Variants in SMC4 observed in about 807,000 individuals in gnomAD.
The protein encoded by SMC4 is structural maintenance of chromosomes protein 4.
In SMC4, 87 loss-of-function variants were observed where a neutral mutation model predicts 145.6. The ratio of observed to expected loss-of-function variants is 0.60; its 90% CI spans 0.50 to 0.71. The LOEUF (loss-of-function observed/expected upper bound fraction) is 0.71. Among genes scored for constraint, SMC4 ranks in the 30% least tolerant of loss-of-function variants. The pLI, the probability that SMC4 is intolerant of heterozygous loss-of-function variation, is 0.00. For missense variants in SMC4, 1,447 were observed against 1,537.1 expected, an observed-to-expected ratio of 0.94 and a Z score of 0.98; for synonymous variants, 558 against 500.7, an observed-to-expected ratio of 1.11 and a Z score of -1.53.
At chr3:160,423,130 T>A (rs901137708) in intron 13 of SMC4, among the ~76,000 whole-genome samples, 2 of 152,126 alleles carry the variant, frequency 1.3e-5, no homozygotes, top group African/African-American at 4.8e-5. Context: ...ATATGACTTT[T>A]AAGATCCAGA....
At chr3:160,406,696 A>C (rs1490745338) in intron 5 of SMC4, among the ~76,000 whole-genome samples, 1 of 152,118 alleles carries the variant, frequency 6.6e-6, no homozygotes. Context: ...AAAAGAACCA[A>C]ATTTTTTAGA....
intron 12 of SMC4, 44 bp downstream of exon 12, chr3:160,419,587 A>G (rs1472748744): frequency 7.2e-7 from 1 of 1,384,968 alleles, no homozygotes; most frequent in African/African-American, 1.5e-5. Context: ...TTTTTTTTTT[A>G]AGAAAGTGTA....
intron 16 of SMC4, among the ~76,000 whole-genome samples, chr3:160,425,404 G>A (rs188210104): frequency 7.9e-5 from 12 of 151,606 alleles, no homozygotes; most frequent in East Asian, 1.9e-4. Flanking sequence ...TCATTTTGAC[G>A]TATGTTCTTT....
intron 9 of SMC4, 114 bp from the exon 10 acceptor site, chr3:160,416,137 T>G (rs1716552084): frequency 1.6e-6 from 1 of 609,392 alleles, no homozygotes. Context: ...TAACTCTGAT[T>G]ATAAAGAAAA....
chr3:160,416,456 T>A (rs1188896144), intron 10 of SMC4, 41 bp downstream of exon 10: 2 of 1,235,254 alleles, frequency 1.6e-6, no homozygotes, highest in Non-Finnish European at 2.2e-6. Flanking sequence ...TTGGTGGCTT[T>A]TTTTTTTTTA....
At chr3:160,406,951 C>A (rs868288133) in intron 5 of SMC4, among the ~76,000 whole-genome samples, 1 of 152,084 alleles carries the variant, frequency 6.6e-6, no homozygotes, top group Non-Finnish European at 1.5e-5. Context: ...TTTTTATAAT[C>A]GTACATTTTC....
chr3:160,402,542 T>C, intron 3 of SMC4, 134 bp from the exon 4 acceptor site: 1 of 830,986 alleles, frequency 1.2e-6, no homozygotes, highest in Non-Finnish European at 1.9e-6. Flanking sequence ...ATGCCTGTGA[T>C]TAGCAATGAG....
Position 160,413,461 on chromosome 3 carries a change from TCC to T in SMC4, c.981-11_981-10del. On this transcript the variant is annotated splice_polypyrimidine_tract_variant and intron_variant, in intron 7 of 23. Coordinates refer to ENST00000357388, the MANE Select transcript of SMC4 (RefSeq NM_001002800.3). ...GAGCTTCAATTTCTTTTTTTTTTTT[TCC>T]TCCCTATAGTTATGAGTTGCAGAAA... 1.3e-6 allele frequency: 2 copies of T among 1,566,334 alleles called. No homozygotes were observed. The highest frequency in any genetic ancestry group is 2.2e-5 in the Admixed American group (1 of 44,880).
At chr3:160,432,875 TATAAA>T in intron 22 of SMC4, 146 bp from the exon 23 acceptor site, 1 of 622,052 alleles carries the variant, frequency 1.6e-6, no homozygotes, top group Non-Finnish European at 2.8e-6. Context: ...ATAACGTTTT[TATAAA>T]ATAACAGAAA....
chr3:160,420,301 G>A (rs1346190298), intron 12 of SMC4, among the ~76,000 whole-genome samples: 1 of 152,136 alleles, frequency 6.6e-6, no homozygotes, highest in African/African-American at 2.4e-5. Flanking sequence ...CTTGTATCGG[G>A]ACTTCCACCT....
chr3:160,405,592 A>T (rs550259862), intron 5 of SMC4, among the ~76,000 whole-genome samples: 1 of 152,188 alleles, frequency 6.6e-6, no homozygotes, highest in East Asian at 1.9e-4. Context: ...TTCATAGTAT[A>T]CAAGGTAAAT....
intron 13 of SMC4, among the ~76,000 whole-genome samples, chr3:160,423,121 T>A (rs1717358943): frequency 6.6e-6 from 1 of 152,146 alleles, no homozygotes; most frequent in African/African-American, 2.4e-5. Context: ...AATTTGTATA[T>A]ATGACTTTTA....
chr3:160,419,596 T>C, intron 12 of SMC4, 53 bp downstream of exon 12: 1 of 1,513,408 alleles, frequency 6.6e-7, no homozygotes, highest in Non-Finnish European at 8.9e-7. Flanking sequence ...TAAGAAAGTG[T>C]AACTTATTTT....
At chr3:160,423,355 T>G in intron 13 of SMC4, 70 bp from the exon 14 acceptor site, 2 of 944,892 alleles carry the variant, frequency 2.1e-6, no homozygotes, top group Non-Finnish European at 3.0e-6. Flanking sequence ...ATGGGTTTTT[T>G]TTTGTTTTTT....
At chr3:160,423,959 G>T in intron 15 of SMC4, 119 bp downstream of exon 15, 1 of 599,540 alleles carries the variant, frequency 1.7e-6, no homozygotes, top group Non-Finnish European at 2.8e-6. Flanking sequence ...TTTAATAGAT[G>T]GCGTTTTCTA....
rs980444709 is a variant in SMC4 at position 160,412,377 on chromosome 3, A to G, written c.904A>G (p.Lys302Glu). 1 of 1,605,470 alleles carries G rather than the reference A, an allele frequency of 6.2e-7. No individual in the cohort carries two copies. Among genetic ancestry groups the G allele is most frequent in the African/African-American group, 1.3e-5 (1 of 74,730 alleles). ...GGAAAAGGATGCCTTAGAAGGAGAG[A>G]AAAACATAGCTATCGAATTTCTTAC... is the stretch of plus-strand genomic sequence containing the variant. ...EKEKDALEGE[K>E]NIAIEFLTLE... is the part of the protein sequence containing the mutation. The change falls in exon 7 of 24, where the codon AAA becomes GAA. Residue 302 changes from lysine to glutamate, a missense_variant. Transcript: ENST00000357388.
Position 160,426,064 on chromosome 3 carries a change from T to A in SMC4, c.2479-10T>A. ...AAATATTGACCTTAAATGTTAAAAC[T>A]TTTTTGTAGCGTTTAATAGAGCAAG... On this transcript the variant is annotated splice_polypyrimidine_tract_variant and intron_variant, in intron 16 of 23. Transcript: ENST00000357388. 1 of 1,573,918 alleles carries A rather than the reference T, an allele frequency of 6.4e-7. No homozygotes were observed. Among genetic ancestry groups the A allele is most frequent in the South Asian group, 1.2e-5 (1 of 84,264 alleles).
At chr3:160,413,428 C>A in intron 7 of SMC4, 45 bp from the exon 8 acceptor site, 1 of 1,546,598 alleles carries the variant, frequency 6.5e-7, no homozygotes, top group East Asian at 2.3e-5. Flanking sequence ...TTGGAAATGG[C>A]ATTTTAGGAG....
chr3:160,404,782 AAT>A, intron 5 of SMC4: 1 of 585,888 alleles, frequency 1.7e-6, no homozygotes, highest in Middle Eastern at 3.9e-4. Context: ...GGCGTAGTGA[AAT>A]ATATATTAAA....
Sources: allele counts gnomAD v4.1 joint callset (sites outside exome capture counted in the v4.1 genomes callset), GRCh38; gene constraint gnomAD v4.1.1; transcripts MANE v1.5; gene names NCBI Gene and HGNC (gene_info 2026-07-23, HGNC 2026-07-21).